SPSB1: variants seen among roughly 807,000 people sequenced by gnomAD.
The protein encoded by SPSB1 is splA/ryanodine receptor domain and SOCS box containing 1, also known as SPRY domain-containing SOCS box protein 1.
SPSB1 carries 8 observed loss-of-function variants against 21.2 expected under a neutral mutation model. That is an observed-to-expected ratio of 0.38 (90% CI 0.22 to 0.68). SPSB1 has a LOEUF of 0.68. Among genes scored for constraint, SPSB1 ranks in the 30% least tolerant of loss-of-function variants. The pLI is 0.53. For synonymous variants in SPSB1, 169 were observed against 161.7 expected, an observed-to-expected ratio of 1.05 and a Z score of -0.34; for missense variants, 242 against 377.8, an observed-to-expected ratio of 0.64 and a Z score of 2.98.
chr1:9,303,564 A>G (rs1639366977), intron 1 of SPSB1, among the ~76,000 whole-genome samples: 1 of 152,228 alleles, frequency 6.6e-6, no homozygotes, highest in Non-Finnish European at 1.5e-5. Flanking sequence ...TGTTGAGTCT[A>G]TAGCAGTATT....
chr1:9,360,239 G>T (rs1005663944), intron 2 of SPSB1, among the ~76,000 whole-genome samples: 1 of 152,088 alleles, frequency 6.6e-6, no homozygotes, highest in Non-Finnish European at 1.5e-5. Context: ...AGTAGATTTT[G>T]GTGTCCTGGA....
rs956508849 is a variant in SPSB1 at position 9,324,847 on chromosome 1, G to T, written c.-149-30896G>T. ...AGTCGTGTTTGCGACAAGTCTGTTCGCCTGGCCGTGGAGCCAGCACGGTCT... is the reference window on the plus strand; with the variant it reads ...AGTCGTGTTTGCGACAAGTCTGTTCTCCTGGCCGTGGAGCCAGCACGGTCT... On this transcript the variant is annotated intron_variant, in intron 1 of 2. Transcript: ENST00000328089. The surrounding 1 kb of genome is among the most constrained non-coding windows in gnomAD (Gnocchi z 4.3). Among the ~76,000 whole-genome samples, 1 of 152,182 alleles carries T rather than the reference G, an allele frequency of 6.6e-6. No homozygotes were observed. The highest frequency in any genetic ancestry group is 2.1e-4 in the South Asian group (1 of 4,832).
chr1:9,345,926 G>A lies in SPSB1; in HGVS notation c.-149-9817G>A, dbSNP rs184894364. On this transcript the variant is annotated intron_variant, in intron 1 of 2. Transcript: ENST00000328089. The surrounding 1 kb of genome is among the most constrained non-coding windows in gnomAD (Gnocchi z 4.8). Reference sequence around the variant, plus strand: ...GTGAGGGGTGGAGGGTGGTAACCACGTGTCACAAGCCCTGCTGGTGGTGGC... The same window carrying A: ...GTGAGGGGTGGAGGGTGGTAACCACATGTCACAAGCCCTGCTGGTGGTGGC... 7.9e-4 allele frequency among the ~76,000 whole-genome samples: 120 copies of A among 152,328 alleles called. No homozygotes were observed. The highest frequency in any genetic ancestry group is 2.7e-3 in the African/African-American group (111 of 41,578).
rs1298044675 is a variant in SPSB1, at chr1:9,293,328, C to T, written c.-150+257C>T. ...GCCCAGGCCCGCCCCGCGCTGCCGCCGCTGCAGGGCAGGGGGTCCCGGGGC... is the reference window on the plus strand; with the variant it reads ...GCCCAGGCCCGCCCCGCGCTGCCGCTGCTGCAGGGCAGGGGGTCCCGGGGC... On this transcript the variant is annotated intron_variant, in intron 1 of 2. Coordinates refer to ENST00000328089, the MANE Select transcript of SPSB1 (RefSeq NM_025106.4). This position sits in a 1 kb window ranked among gnomAD's most constrained non-coding sequence, Gnocchi z 5.1. Among the ~76,000 whole-genome samples, 2 of 148,946 alleles carry T rather than the reference C, an allele frequency of 1.3e-5. No individual in the cohort carries two copies. Among genetic ancestry groups the T allele is most frequent in the East Asian group, 2.0e-4 (1 of 4,978 alleles).
In SPSB1 at chr1:9,293,969, C is replaced by T. The variant is rs1639165098; in HGVS notation, c.-150+898C>T. Among the ~76,000 whole-genome samples the T allele has an allele frequency of 6.6e-6, 1 of 151,220 alleles. No individual in the cohort carries two copies. Among genetic ancestry groups the T allele is most frequent in the South Asian group, 2.1e-4 (1 of 4,790 alleles). On this transcript the variant is annotated intron_variant, in intron 1 of 2. Transcript: ENST00000328089. This position sits in a 1 kb window ranked among gnomAD's most constrained non-coding sequence, Gnocchi z 5.1. ...CTAAGTGCATCTGTGTATTTATGTG[C>T]CTCTGAGTGTGTGTGTGAGTCTGTG...
chr1:9,324,980 CAG>C lies in SPSB1; in HGVS notation c.-149-30762_-149-30761del, dbSNP rs1557453188. ...GGATCGGAGGCGCCTGTGAGCGGGT[CAG>C]TACTGGGTAGGCAGCCCCATTGGGA... is the stretch of plus-strand genomic sequence containing the variant. On this transcript the variant is annotated intron_variant, in intron 1 of 2. Coordinates refer to ENST00000328089, the MANE Select transcript of SPSB1 (RefSeq NM_025106.4). This position sits in a 1 kb window ranked among gnomAD's most constrained non-coding sequence, Gnocchi z 4.3. Among the ~76,000 whole-genome samples, 1 of 152,202 alleles carries C rather than the reference CAG, an allele frequency of 6.6e-6. No homozygotes were observed. Among genetic ancestry groups the C allele is most frequent in the Non-Finnish European group, 1.5e-5 (1 of 68,030 alleles).
chr1:9,366,033 G>A (rs541198667), intron 2 of SPSB1, among the ~76,000 whole-genome samples: 8 of 152,370 alleles, frequency 5.3e-5, no homozygotes, highest in African/African-American at 1.7e-4. Context: ...AGACTCCTGA[G>A]ATCTGAAGCT....
At chr1:9,343,867 G>A (rs1380426607) in intron 1 of SPSB1, among the ~76,000 whole-genome samples, 1 of 152,034 alleles carries the variant, frequency 6.6e-6, no homozygotes, top group Non-Finnish European at 1.5e-5. Flanking sequence ...CTCACTGAAA[G>A]CTCCGCCTCC....
intron 1 of SPSB1, among the ~76,000 whole-genome samples, chr1:9,329,981 C>T (rs142826416): frequency 2.6e-5 from 4 of 152,242 alleles, no homozygotes; most frequent in Admixed American, 6.5e-5. Flanking sequence ...TTCAGAGTGG[C>T]CCAGGAGCAG....
chr1:9,363,980 A>C lies in SPSB1; in HGVS notation c.695-3468A>C, dbSNP rs532892802. Among the ~76,000 whole-genome samples, 4 of 152,310 alleles carry C rather than the reference A, an allele frequency of 2.6e-5. No individual in the cohort carries two copies. In the East Asian group the frequency reaches 7.7e-4, roughly 29 times the overall value. ...CTCCCAAAGTGCTGGGATTACAGGCATAAGCCACCGCGTCCAGCCTAGAAA... is the reference window on the plus strand; with the variant it reads ...CTCCCAAAGTGCTGGGATTACAGGCCTAAGCCACCGCGTCCAGCCTAGAAA... On this transcript the variant is annotated intron_variant, in intron 2 of 2. Coordinates refer to ENST00000328089, the MANE Select transcript of SPSB1 (RefSeq NM_025106.4). This position sits in a 1 kb window ranked among gnomAD's most constrained non-coding sequence, Gnocchi z 4.5.
intron 2 of SPSB1, among the ~76,000 whole-genome samples, chr1:9,364,928 T>G (rs1243594948): frequency 6.6e-6 from 1 of 151,702 alleles, no homozygotes; most frequent in Non-Finnish European, 1.5e-5. Context: ...CTCGGGTCAC[T>G]GCAACCTCCA....
At chr1:9,343,871 C>T (rs1300773777) in intron 1 of SPSB1, among the ~76,000 whole-genome samples, 3 of 152,080 alleles carry the variant, frequency 2.0e-5, no homozygotes, top group Non-Finnish European at 4.4e-5. Flanking sequence ...CTGAAAGCTC[C>T]GCCTCCTGGG....
intron 1 of SPSB1, among the ~76,000 whole-genome samples, chr1:9,308,863 G>A (rs1441183690): frequency 6.6e-6 from 1 of 152,126 alleles, no homozygotes; most frequent in Non-Finnish European, 1.5e-5. Flanking sequence ...CTGTTGATTG[G>A]GCACCTGCTA....
At chr1:9,344,242 G>A (rs1348350438) in intron 1 of SPSB1, among the ~76,000 whole-genome samples, 1 of 152,162 alleles carries the variant, frequency 6.6e-6, no homozygotes, top group Non-Finnish European at 1.5e-5. Context: ...TCATTAGAAT[G>A]CAGGCTGCCC....
At position 9,326,251 on chromosome 1, in the gene SPSB1, G is replaced by C. The variant is rs758459549; in HGVS notation, c.-149-29492G>C. On this transcript the variant is annotated intron_variant, in intron 1 of 2. Transcript: ENST00000328089. Reference sequence around the variant, plus strand: ...GCCCCTGGGACCCTTTCCAATCTGCGTTTATTCCCAGCACCACCCCAAGGG... The same window carrying C: ...GCCCCTGGGACCCTTTCCAATCTGCCTTTATTCCCAGCACCACCCCAAGGG... Among the ~76,000 whole-genome samples, 4 of 152,218 alleles carry C rather than the reference G, an allele frequency of 2.6e-5. No homozygotes were observed. The East Asian group carries it at 7.7e-4, about 29-fold the overall frequency.
intron 2 of SPSB1, among the ~76,000 whole-genome samples, chr1:9,362,286 C>T (rs1035944414): frequency 2.0e-5 from 3 of 152,176 alleles, no homozygotes; most frequent in African/African-American, 7.2e-5. Flanking sequence ...ACCGCAGGCT[C>T]TCAGAGTTTG....
intron 1 of SPSB1, among the ~76,000 whole-genome samples, chr1:9,339,483 G>A (rs948787232): frequency 1.3e-5 from 2 of 152,172 alleles, no homozygotes; most frequent in South Asian, 4.1e-4. Flanking sequence ...GGAAGGCTCC[G>A]TGGAGGAGGG....
chr1:9,299,893 G>T lies in SPSB1; in HGVS notation c.-150+6822G>T, dbSNP rs1019990885. Among the ~76,000 whole-genome samples, 4 of 149,560 alleles carry T rather than the reference G, an allele frequency of 2.7e-5. No individual in the cohort carries two copies. The South Asian group carries it at 6.4e-4, about 24-fold the overall frequency. On this transcript the variant is annotated intron_variant, in intron 1 of 2. Transcript: ENST00000328089. ...TGGGAGGATCGCTTGAGCCTAGGAGGTCAAGACTTGCAGTGAGCAGTGATT... is the reference window on the plus strand; with the variant it reads ...TGGGAGGATCGCTTGAGCCTAGGAGTTCAAGACTTGCAGTGAGCAGTGATT...
At chr1:9,294,984 C>T (rs1339723804) in intron 1 of SPSB1, among the ~76,000 whole-genome samples, 1 of 152,174 alleles carries the variant, frequency 6.6e-6, no homozygotes, top group Non-Finnish European at 1.5e-5. Context: ...GGTTCACTTA[C>T]CCAGACTGCA....
Sources: gnomAD v4.1 joint callset for allele counts (sites outside exome capture counted in the v4.1 genomes callset) on GRCh38, gnomAD v4.1.1 for gene constraint, Gnocchi (gnomAD v3.1) non-coding constraint, MANE v1.5 for transcripts, NCBI Gene and HGNC (gene_info 2026-07-23, HGNC 2026-07-21) for gene names.